Variants in MAF observed in about 807,000 individuals in gnomAD.
MAF encodes the protein MAF bZIP transcription factor.
In MAF, 10 loss-of-function variants were observed where a neutral mutation model predicts 22.0. The ratio of observed to expected loss-of-function variants is 0.45; its 90% CI spans 0.28 to 0.77. MAF has a LOEUF of 0.77. Ranked by LOEUF, MAF falls within the 30% of genes least tolerant of loss-of-function variation. The pLI, the probability that MAF is intolerant of heterozygous loss-of-function variation, is 0.12. For missense variants in MAF, 544 were observed against 548.4 expected (o/e 0.99, Z 0.08); for synonymous variants, 337 against 255.8 (o/e 1.32, Z -3.03).
At chr16:79,571,530 A>ATTTTTTTTTTTTTTT in the MAF span, among the ~76,000 whole-genome samples, 13 of 103,876 alleles carry the variant, frequency 1.3e-4, no homozygotes, top group African/African-American at 4.5e-4. Context: ...TCTCAGCGGA[A>ATTTTTTTTTTTTTTT]TTTTTTTTTT....
the MAF span, among the ~76,000 whole-genome samples, chr16:79,230,092 A>G: frequency 6.6e-6 from 1 of 152,140 alleles, no homozygotes; most frequent in African/African-American, 2.4e-5. Flanking sequence ...CTGATCTTGT[A>G]AACAGGTTGT....
chr16:79,274,822 T>C, the MAF span, among the ~76,000 whole-genome samples: 6 of 152,156 alleles, frequency 3.9e-5, no homozygotes, highest in African/African-American at 1.4e-4. Flanking sequence ...TTCATTTTGA[T>C]TGAACATATT....
the MAF span, among the ~76,000 whole-genome samples, chr16:79,352,867 T>C: frequency 2.6e-5 from 4 of 152,124 alleles, no homozygotes; most frequent in African/African-American, 4.8e-5. Flanking sequence ...TGCAGGGAGG[T>C]ATTAAATTAC....
chr16:79,281,538 T>C, the MAF span, among the ~76,000 whole-genome samples: 3 of 150,394 alleles, frequency 2.0e-5, no homozygotes, highest in South Asian at 4.2e-4. Context: ...AAGCTCACTC[T>C]TTGAAGACTT....
the MAF span, among the ~76,000 whole-genome samples, chr16:79,293,865 G>GAGAGAA: frequency 2.0e-5 from 3 of 151,620 alleles, no homozygotes; most frequent in Non-Finnish European, 4.4e-5. Flanking sequence ...GAGAGAGAGA[G>GAGAGAA]AGAGAAAGAG....
chr16:79,335,918 C>T, the MAF span, among the ~76,000 whole-genome samples: 1 of 152,186 alleles, frequency 6.6e-6, no homozygotes, highest in Non-Finnish European at 1.5e-5. Context: ...GACCAGGACT[C>T]CTGCACTGAG....
chr16:79,442,181 T>C, the MAF span, among the ~76,000 whole-genome samples: 1 of 152,208 alleles, frequency 6.6e-6, no homozygotes, highest in East Asian at 1.9e-4. Flanking sequence ...TATAGGATTC[T>C]CTTACAGCAA....
At chr16:79,247,445 T>A in the MAF span, among the ~76,000 whole-genome samples, 2 of 152,084 alleles carry the variant, frequency 1.3e-5, no homozygotes, top group Non-Finnish European at 2.9e-5. Flanking sequence ...CAAACTTGCT[T>A]CCCCCTCACC....
chr16:79,309,106 T>A, the MAF span, among the ~76,000 whole-genome samples: 1 of 152,250 alleles, frequency 6.6e-6, no homozygotes, highest in East Asian at 1.9e-4. Context: ...CAAAAGGCTA[T>A]AGCAGTGCAA....
chr16:79,227,877 T>C, the MAF span, among the ~76,000 whole-genome samples: 1 of 152,096 alleles, frequency 6.6e-6, no homozygotes, highest in Non-Finnish European at 1.5e-5. Context: ...AGACCACAAC[T>C]TCTTTCTTGG....
At chr16:79,482,970 C>T in the MAF span, among the ~76,000 whole-genome samples, 1 of 78,434 alleles carries the variant, frequency 1.3e-5, no homozygotes, top group Admixed American at 1.2e-4. Flanking sequence ...CCCTCTGTCC[C>T]TCCTTCCCTC....
the MAF span, among the ~76,000 whole-genome samples, chr16:79,425,347 T>A: frequency 1.3e-5 from 2 of 152,014 alleles, no homozygotes; most frequent in Admixed American, 1.3e-4. Context: ...CTATCTGGAG[T>A]GTGGCCTCTA....
Position 79,600,078 on chromosome 16 carries a change from C to G in MAF, c.-176G>C, listed in dbSNP as rs963241680. 6.9e-6 allele frequency: 5 copies of G among 725,298 alleles called. No homozygotes were observed. The highest frequency in any genetic ancestry group is 3.8e-5 in the African/African-American group (2 of 52,612). The allele number at this position is 725,298 out of a possible 1,614,324, so 44.9% of individuals were successfully genotyped here. On this transcript the variant is annotated 5_prime_UTR_variant, in exon 1 of 2. Coordinates refer to ENST00000326043, the MANE Select transcript of MAF (RefSeq NM_005360.5). ...CGAGCGCGCTCACACACACACCCCCCCGCCCTGCCCGCGCCCCCCGCGCCC... is the reference window on the plus strand; with the variant it reads ...CGAGCGCGCTCACACACACACCCCCGCGCCCTGCCCGCGCCCCCCGCGCCC...
chr16:79,538,862 A>G, the MAF span, among the ~76,000 whole-genome samples: 1 of 33,606 alleles, frequency 3.0e-5, no homozygotes, highest in Non-Finnish European at 6.8e-5. Context: ...AAAGAAAAGA[A>G]AAGAAAAGAA....
At chr16:79,414,130 C>G in the MAF span, among the ~76,000 whole-genome samples, 2 of 152,198 alleles carry the variant, frequency 1.3e-5, no homozygotes, top group African/African-American at 4.8e-5. Context: ...ATCCACTTAA[C>G]AAACATTGGC....
chr16:79,258,486 T>A, the MAF span, among the ~76,000 whole-genome samples: 1 of 152,204 alleles, frequency 6.6e-6, no homozygotes. Flanking sequence ...CTTCCAAATT[T>A]TCCTCTCTCC....
chr16:79,291,580 C>A, the MAF span, among the ~76,000 whole-genome samples: 3 of 151,414 alleles, frequency 2.0e-5, no homozygotes, highest in African/African-American at 7.3e-5. Flanking sequence ...CTGAACCTAT[C>A]TGGGGGTGAG....
chr16:79,239,158 C>T, the MAF span, among the ~76,000 whole-genome samples: 1 of 152,068 alleles, frequency 6.6e-6, no homozygotes. Context: ...TTTGCAGCTC[C>T]TGATTTTGTA....
the MAF span, among the ~76,000 whole-genome samples, chr16:79,575,962 C>T: frequency 3.3e-5 from 5 of 151,988 alleles, no homozygotes; most frequent in South Asian, 6.2e-4. Context: ...AGTCCTAAAC[C>T]GGGGTCCTGA....
Sources: gnomAD v4.1 joint callset for allele counts (sites outside exome capture counted in the v4.1 genomes callset) on GRCh38, gnomAD v4.1.1 for gene constraint, MANE v1.5 for transcripts, NCBI Gene and HGNC (gene_info 2026-07-23, HGNC 2026-07-21) for gene names.